Variants in IPPK observed in about 807,000 individuals in gnomAD.
The protein encoded by IPPK is IPK1 homolog.
Under a neutral mutation model 64.6 loss-of-function variants are expected in IPPK, and 22 were observed. That is an observed-to-expected ratio of 0.34 (90% CI 0.24 to 0.49). The LOEUF (loss-of-function observed/expected upper bound fraction) is 0.49, where lower values mean the gene tolerates loss of function less well. Among genes scored for constraint, IPPK ranks in the 20% least tolerant of loss-of-function variants. The pLI is 0.99. For synonymous variants in IPPK, 262 were observed against 247.2 expected, an observed-to-expected ratio of 1.06 and a Z score of -0.56; for missense variants, 532 against 630.7, an observed-to-expected ratio of 0.84 and a Z score of 1.68.
chr9:92,658,893 C>A (rs72756436), intron 1 of IPPK, among the ~76,000 whole-genome samples: 2 of 152,190 alleles, frequency 1.3e-5, no homozygotes, highest in Admixed American at 6.5e-5. Context: ...CAGCCTCTGA[C>A]CAGCCAGCCC....
At chr9:92,621,328 T>A (rs1404427177) in intron 11 of IPPK, among the ~76,000 whole-genome samples, 1 of 151,850 alleles carries the variant, frequency 6.6e-6, no homozygotes, top group Non-Finnish European at 1.5e-5. Flanking sequence ...GAAAAGATAA[T>A]AAAAGAACAT....
At chr9:92,638,394 C>T (rs1587629876) in intron 8 of IPPK, 114 bp from the exon 9 acceptor site, 2 of 1,219,072 alleles carry the variant, frequency 1.6e-6, no homozygotes, top group East Asian at 4.7e-5. Flanking sequence ...GGCCCTGATG[C>T]TGTCCACCCA....
chr9:92,616,308 C>T lies in IPPK; in HGVS notation c.1251-251G>A, dbSNP rs567366802. ...TGTCTGTGCCGGCTGTGTGCACCAGCGTGCAAAGCTTCCTCAGGCCAGTGC... is the reference window on the plus strand; with the variant it reads ...TGTCTGTGCCGGCTGTGTGCACCAGTGTGCAAAGCTTCCTCAGGCCAGTGC... On this transcript the variant is annotated intron_variant, in intron 12 of 12. Coordinates refer to ENST00000287996, the MANE Select transcript of IPPK (RefSeq NM_022755.6). 234 of 431,912 alleles carry T rather than the reference C, an allele frequency of 5.4e-4. 2 individuals are homozygous for T. In the South Asian group the frequency reaches 5.6e-3, roughly 10 times the overall value. 26.8% of individuals were successfully genotyped at this position (431,912 alleles called of 1,614,324 possible). A position where few individuals can be genotyped will look rare whatever the true frequency, so the allele number is the denominator to read the frequency against.
intron 4 of IPPK, among the ~76,000 whole-genome samples, chr9:92,650,572 C>G (rs750914795): frequency 6.6e-6 from 1 of 152,102 alleles, no homozygotes; most frequent in South Asian, 2.1e-4. Flanking sequence ...AGGAGAGGAC[C>G]CAGAAGCTCA....
chr9:92,642,692 C>T (rs1852075496), intron 7 of IPPK, 60 bp downstream of exon 7: 5 of 1,487,260 alleles, frequency 3.4e-6, no homozygotes, highest in East Asian at 2.3e-5. Context: ...GCACTGGCCC[C>T]CGCCCTACCC....
intron 12 of IPPK, 180 bp from the exon 13 acceptor site, chr9:92,616,237 C>T: frequency 1.8e-6 from 1 of 559,894 alleles, no homozygotes. Flanking sequence ...CCCCAGCTCA[C>T]AAAGAGCACT....
chr9:92,617,396 C>T (rs1380509967), intron 12 of IPPK: 1 of 152,320 alleles, frequency 6.6e-6, no homozygotes, highest in Admixed American at 6.5e-5. Flanking sequence ...CCAGGCAGCT[C>T]CCGGGGAGGG....
At position 92,613,499 on chromosome 9, in the gene IPPK, C is replaced by T; in HGVS notation, c.*2333G>A. 3.8e-6 allele frequency: 1 copy of T among 265,786 alleles called. No homozygotes were observed. The highest frequency in any genetic ancestry group is 4.2e-5 in the South Asian group (1 of 23,536). The allele number at this position is 265,786 out of a possible 1,614,324, so 16.5% of individuals were successfully genotyped here. A position where few individuals can be genotyped will look rare whatever the true frequency, so the allele number is the denominator to read the frequency against. ...CCTTGGACATGGTGGCCACATTACT[C>T]AGCTGGGAGAAGCCACCCTTATCCT... is the stretch of plus-strand genomic sequence containing the variant. On this transcript the variant is annotated 3_prime_UTR_variant, in exon 13 of 13. Coordinates refer to ENST00000287996, the MANE Select transcript of IPPK (RefSeq NM_022755.6).
Position 92,658,569 on chromosome 9 carries a change from G to GA in IPPK, c.129+64dup, listed in dbSNP as rs895983877. The GA allele has an allele frequency of 1.7e-3, 2,257 of 1,310,602 alleles. 1 individual carries two copies. Among genetic ancestry groups the GA allele is most frequent in the Non-Finnish European group, 2.1e-3 (1,929 of 917,464 alleles). The allele number at this position is 1,310,602 out of a possible 1,614,324, so 81.2% of individuals were successfully genotyped here. On this transcript the variant is annotated intron_variant, in intron 2 of 12. Transcript: ENST00000287996. ...AACTAGCATCAATGTTTCTACATCG[G>GA]AAAAAAAAATCAGAGTTTTCTTAAA...
At chr9:92,642,165 T>C (rs1852059947) in intron 7 of IPPK, among the ~76,000 whole-genome samples, 2 of 152,134 alleles carry the variant, frequency 1.3e-5, no homozygotes, top group Admixed American at 1.3e-4. Context: ...GGACTGACCC[T>C]CCCCAGCTCC....
At chr9:92,666,279 GA>G (rs756714963) in intron 1 of IPPK, among the ~76,000 whole-genome samples, 1 of 152,144 alleles carries the variant, frequency 6.6e-6, no homozygotes, top group Non-Finnish European at 1.5e-5. Flanking sequence ...AGACACCTAG[GA>G]GATGGAATGA....
rs1851378620 is a variant in IPPK, at chr9:92,614,731, A to G, written c.*1101T>C. 2.0e-5 allele frequency: 3 copies of G among 152,656 alleles called. No individual in the cohort carries two copies. Among genetic ancestry groups the G allele is most frequent in the African/African-American group, 4.8e-5 (2 of 41,450 alleles). The allele number at this position is 152,656 out of a possible 1,614,324, so 9.5% of individuals were successfully genotyped here. A position where few individuals can be genotyped will look rare whatever the true frequency, so the allele number is the denominator to read the frequency against. On this transcript the variant is annotated 3_prime_UTR_variant, in exon 13 of 13. Transcript: ENST00000287996. ...TTAGTCCCTCAAAACGATGATATAA[A>G]TAAGTCTGTACAACCTAGCATAGAA...
At chr9:92,649,321 A>T in intron 5 of IPPK, 132 bp downstream of exon 5, 1 of 988,430 alleles carries the variant, frequency 1.0e-6, no homozygotes, top group Non-Finnish European at 1.5e-6. Context: ...AAACAAGTGG[A>T]GTTTCCAGGA....
chr9:92,652,760 TA>T (rs1852294349), intron 3 of IPPK, 121 bp from the exon 4 acceptor site: 2 of 481,202 alleles, frequency 4.2e-6, no homozygotes, highest in Non-Finnish European at 7.4e-6. Flanking sequence ...TAATTTATAA[TA>T]TTTTTTAAAG....
chr9:92,621,412 C>A (rs1371857700), intron 11 of IPPK, among the ~76,000 whole-genome samples: 4 of 151,280 alleles, frequency 2.6e-5, no homozygotes, highest in African/African-American at 9.7e-5. Context: ...ATACAACTTA[C>A]TAAAATTTGA....
chr9:92,656,723 T>C (rs1852381091), intron 2 of IPPK, among the ~76,000 whole-genome samples, 172 bp from the exon 3 acceptor site: 2 of 152,024 alleles, frequency 1.3e-5, no homozygotes, highest in South Asian at 4.2e-4. Flanking sequence ...CCCAGTGCCC[T>C]TCCTCACCAG....
chr9:92,623,210 G>C (rs1407429403), intron 11 of IPPK, among the ~76,000 whole-genome samples: 1 of 152,028 alleles, frequency 6.6e-6, no homozygotes, highest in Non-Finnish European at 1.5e-5. Flanking sequence ...CGAGGCAAGC[G>C]GATCACAAGG....
intron 7 of IPPK, among the ~76,000 whole-genome samples, chr9:92,641,720 T>C (rs919373305): frequency 4.6e-5 from 7 of 152,186 alleles, no homozygotes; most frequent in African/African-American, 1.7e-4. Context: ...AAAGAGCATC[T>C]AACCAAAAGC....
At chr9:92,636,740 A>C (rs1249734034) in intron 9 of IPPK, among the ~76,000 whole-genome samples, 3 of 152,166 alleles carry the variant, frequency 2.0e-5, no homozygotes, top group Non-Finnish European at 4.4e-5. Context: ...TGACATGTAG[A>C]GTATGATCTT....
Sources: gnomAD v4.1 joint callset for allele counts (sites outside exome capture counted in the v4.1 genomes callset) on GRCh38, gnomAD v4.1.1 for gene constraint, MANE v1.5 for transcripts, NCBI Gene and HGNC (gene_info 2026-07-23, HGNC 2026-07-21) for gene names.